The following FAM76B variants were observed in gnomAD, a reference collection of about 807,000 sequenced individuals.
The protein encoded by FAM76B is protein FAM76B.
In FAM76B, 16 loss-of-function variants were observed where a neutral mutation model predicts 51.8. The observed-to-expected ratio is 0.31, with a 90% CI of 0.21 to 0.47. FAM76B has a LOEUF of 0.47. Among genes scored for constraint, FAM76B ranks in the 20% least tolerant of loss-of-function variants. FAM76B has a pLI of 1.00. For synonymous variants in FAM76B, 166 were observed against 129.5 expected (o/e 1.28, Z -1.91); for missense variants, 342 against 392.6 (o/e 0.87, Z 1.09).
rs945027256 is a variant in FAM76B at position 95,775,912 on chromosome 11, T to A, written c.930+10A>T. 6.5e-7 allele frequency: 1 copy of A among 1,534,450 alleles called. No individual in the cohort carries two copies. The highest frequency in any genetic ancestry group is 1.4e-5 in the African/African-American group (1 of 70,794). On this transcript the variant is annotated intron_variant, in intron 9 of 9. Transcript: ENST00000358780. ...CTTGCCTATCATTTTACGTAAATGA[T>A]GGTAGTTACCTGAAGTTGTTCCACA...
chr11:95,786,053 T>TAA, intron 4 of FAM76B, 66 bp downstream of exon 4: 2 of 1,556,724 alleles, frequency 1.3e-6, no homozygotes, highest in Non-Finnish European at 1.7e-6. Flanking sequence ...GTATTAATTA[T>TAA]AATTTCCAAC....
chr11:95,773,527 C>T (rs901248598), intron 9 of FAM76B, among the ~76,000 whole-genome samples: 11 of 146,824 alleles, frequency 7.5e-5, no homozygotes, highest in African/African-American at 2.0e-4. Context: ...AAAGTTTAGA[C>T]ATGTTGGTGC....
chr11:95,776,173 T>G (rs1414486434), intron 8 of FAM76B, 150 bp from the exon 9 acceptor site: 3 of 407,496 alleles, frequency 7.4e-6, no homozygotes, highest in Non-Finnish European at 1.3e-5. Flanking sequence ...ATCTAAAGTT[T>G]GTTTGGTGAA....
At chr11:95,780,037 G>A (rs1277505545) in intron 5 of FAM76B, 111 bp from the exon 6 acceptor site, 3 of 1,006,000 alleles carry the variant, frequency 3.0e-6, no homozygotes, top group Non-Finnish European at 4.3e-6. Context: ...ATTTTCTTCA[G>A]AGAAAGGTAT....
In FAM76B at chr11:95,789,518, A is replaced by G. The variant is rs766557906; in HGVS notation, c.-40T>C. 6.5e-7 allele frequency: 1 copy of G among 1,549,082 alleles called. No individual in the cohort carries two copies. Among genetic ancestry groups the G allele is most frequent in the South Asian group, 1.2e-5 (1 of 84,936 alleles). ...TCCTCCTCCGCCGCCGCCCGCTCCG[A>G]GGCGGGGCCCTACGGAGAACCCGAG... On this transcript the variant is annotated 5_prime_UTR_variant, in exon 1 of 10. Coordinates refer to ENST00000358780, the MANE Select transcript of FAM76B (RefSeq NM_144664.5).
At chr11:95,773,440 C>T (rs1369817820) in intron 9 of FAM76B, among the ~76,000 whole-genome samples, 1 of 116,262 alleles carries the variant, frequency 8.6e-6, no homozygotes, top group Non-Finnish European at 1.8e-5. Context: ...CCTAAAATTA[C>T]TTCATTTTGC....
Position 95,778,934 on chromosome 11 carries a change from T to A in FAM76B, c.716A>T (p.Asp239Val), listed in dbSNP as rs1860130361. The A allele has an allele frequency of 1.2e-6, 2 of 1,609,660 alleles. No homozygotes were observed. The highest frequency in any genetic ancestry group is 1.7e-5 in the Admixed American group (1 of 59,568). ...GDSSSINQSA[D>V]SGGTDNFVLI... ...GACAAAATTGTCTGTTCCCCCACTA[T>A]CTGCTGACTGATTTATAGAGCTACT... Residue 239 changes from aspartate to valine, a missense_variant, in exon 8 of 10, where the codon GAT becomes GTT. Physicochemically the swap from Asp to Val is radical, Grantham distance 152 (BLOSUM62 -3). Transcript: ENST00000358780.
intron 5 of FAM76B, among the ~76,000 whole-genome samples, chr11:95,782,628 A>G (rs959516551): frequency 8.5e-5 from 13 of 152,152 alleles, no homozygotes; most frequent in Non-Finnish European, 1.3e-4. Context: ...CATAGTAACA[A>G]ATTATAGTAT....
At chr11:95,778,358 T>C (rs1428607599) in intron 8 of FAM76B, among the ~76,000 whole-genome samples, 1 of 151,530 alleles carries the variant, frequency 6.6e-6, no homozygotes, top group Non-Finnish European at 1.5e-5. Flanking sequence ...CTATTGCTAA[T>C]TACTATTACT....
At chr11:95,787,750 A>C in intron 2 of FAM76B, 72 bp from the exon 3 acceptor site, 1 of 1,281,546 alleles carries the variant, frequency 7.8e-7, no homozygotes, top group South Asian at 1.3e-5. Context: ...TCAAAATAAA[A>C]TGAGTCAAAG....
chr11:95,770,204 GA>G lies in FAM76B; in HGVS notation c.*1356del, dbSNP rs1458612006. 2.4e-4 allele frequency: 36 copies of G among 151,712 alleles called. No homozygotes were observed. In the Admixed American group the frequency reaches 2.4e-3, roughly 10 times the overall value. 9.4% of individuals were successfully genotyped at this position (151,712 alleles called of 1,614,324 possible). On this transcript the variant is annotated 3_prime_UTR_variant, in exon 10 of 10. Coordinates refer to ENST00000358780, the MANE Select transcript of FAM76B (RefSeq NM_144664.5). ...TAGGAGATAAATTCTATTTCAGGCT[GA>G]AAACCGCTGGATCAGAATATAGTCA...
chr11:95,784,591 C>CAA (rs1860456839), intron 4 of FAM76B, among the ~76,000 whole-genome samples: 2 of 149,370 alleles, frequency 1.3e-5, no homozygotes, highest in African/African-American at 4.9e-5. Flanking sequence ...CACACACACA[C>CAA]AATTTTTTTT....
intron 9 of FAM76B, among the ~76,000 whole-genome samples, chr11:95,774,995 TAC>T (rs1859931054): frequency 6.8e-6 from 1 of 146,530 alleles, no homozygotes; most frequent in South Asian, 2.2e-4. Flanking sequence ...CCTTTGGTGT[TAC>T]AATGTGAAAA....
chr11:95,778,198 A>T (rs1373338236), intron 8 of FAM76B, among the ~76,000 whole-genome samples: 1 of 151,486 alleles, frequency 6.6e-6, no homozygotes, highest in Admixed American at 6.6e-5. Context: ...TGCCATCCTG[A>T]TTTCATAGCA....
chr11:95,776,078 C>CACA, intron 8 of FAM76B, 55 bp from the exon 9 acceptor site: 18 of 916,802 alleles, frequency 2.0e-5, no homozygotes, highest in South Asian at 4.5e-5. Context: ...CACACACACA[C>CACA]CATTTTAAAT....
chr11:95,788,935 T>A, intron 1 of FAM76B: 1 of 1,348,830 alleles, frequency 7.4e-7, no homozygotes, highest in Non-Finnish European at 9.7e-7. Context: ...CCCAAACCAG[T>A]CGCTTCGCTT....
chr11:95,783,457 T>C (rs969334691), intron 4 of FAM76B, among the ~76,000 whole-genome samples, 193 bp from the exon 5 acceptor site: 2 of 152,214 alleles, frequency 1.3e-5, no homozygotes, highest in African/African-American at 4.8e-5. Flanking sequence ...AAATACTTGT[T>C]AGGAGAATTA....
intron 5 of FAM76B, among the ~76,000 whole-genome samples, chr11:95,781,420 A>G (rs966686745): frequency 1.3e-5 from 2 of 152,196 alleles, no homozygotes; most frequent in Non-Finnish European, 2.9e-5. Context: ...TTTGTATTTC[A>G]TAAGTAACCA....
chr11:95,779,968 A>C (rs760310293), intron 5 of FAM76B, 42 bp from the exon 6 acceptor site: 1 of 1,509,660 alleles, frequency 6.6e-7, no homozygotes, highest in Admixed American at 2.0e-5. Flanking sequence ...ACATTTATTT[A>C]TTTAATACAT....
Sources: gnomAD v4.1 joint callset for allele counts (sites outside exome capture counted in the v4.1 genomes callset) on GRCh38, gnomAD v4.1.1 for gene constraint, MANE v1.5 for transcripts, NCBI Gene and HGNC (gene_info 2026-07-23, HGNC 2026-07-21) for gene names.